The following VWA3B variants were observed in gnomAD, a reference collection of about 807,000 sequenced individuals.
VWA3B encodes the protein von Willebrand factor A domain-containing protein 3B.
VWA3B carries 138 observed loss-of-function variants against 158.3 expected under a neutral mutation model. The observed-to-expected ratio is 0.87, with a 90% confidence interval of 0.76 to 1.00. VWA3B has a LOEUF of 1.00. VWA3B is among the 50% of genes least tolerant of loss of function. VWA3B has a pLI of 0.00. For synonymous variants in VWA3B, 596 were observed against 587.3 expected (o/e 1.01, Z -0.21); for missense variants, 1,555 against 1,565.1 (o/e 0.99, Z 0.11).
chr2:98,111,269 T>C (rs1168372740), intron 2 of VWA3B, among the ~76,000 whole-genome samples: 1 of 152,218 alleles, frequency 6.6e-6, no homozygotes, highest in African/African-American at 2.4e-5. Context: ...GTAAAAGACA[T>C]GATTTCATCT....
At chr2:98,301,718 G>T (rs1262633492) in intron 25 of VWA3B, among the ~76,000 whole-genome samples, 1 of 152,144 alleles carries the variant, frequency 6.6e-6, no homozygotes, top group Non-Finnish European at 1.5e-5. Context: ...TGGATCGTTT[G>T]TCTTTTTTAT....
At chr2:98,124,236 G>A (rs562081423) in intron 5 of VWA3B, among the ~76,000 whole-genome samples, 291 of 152,338 alleles carry the variant, frequency 1.9e-3, no homozygotes, top group Non-Finnish European at 3.2e-3. Context: ...ACAGTGAAAG[G>A]TTGGAAAGGA....
At chr2:98,091,975 T>C in intron 1 of VWA3B, among the ~76,000 whole-genome samples, 1 of 152,350 alleles carries the variant, frequency 6.6e-6, no homozygotes, top group Middle Eastern at 3.4e-3. Context: ...ACTAGCTATA[T>C]TTAGGCAGGT....
intron 7 of VWA3B, among the ~76,000 whole-genome samples, chr2:98,148,678 T>G (rs984847135): frequency 6.6e-6 from 1 of 152,224 alleles, no homozygotes; most frequent in African/African-American, 2.4e-5. Context: ...TGTGGGAATA[T>G]AAATGGATTT....
chr2:98,280,197 G>T (rs1688789227), intron 22 of VWA3B, among the ~76,000 whole-genome samples: 1 of 152,134 alleles, frequency 6.6e-6, no homozygotes. Flanking sequence ...GTTTGTTTGT[G>T]TGTTTTTTCC....
At chr2:98,135,496 C>T (rs6725596) in intron 7 of VWA3B, among the ~76,000 whole-genome samples, 2,575 of 150,344 alleles carry the variant, frequency 0.017, 72 homozygotes, top group African/African-American at 0.061. Flanking sequence ...CCACTACGCC[C>T]GGCTAATTTT....
At chr2:98,316,438 T>C (rs1691087883), downstream of VWA3B, among the ~76,000 whole-genome samples, 1 of 151,992 alleles carries the variant, frequency 6.6e-6, no homozygotes, top group South Asian at 2.1e-4. Context: ...AGCTCAGAAG[T>C]TCAAGACCAG....
chr2:98,329,868 A>C, the VWA3B span, among the ~76,000 whole-genome samples: 1 of 152,180 alleles, frequency 6.6e-6, no homozygotes, highest in Non-Finnish European at 1.5e-5. Context: ...CCCGTGCCCA[A>C]GAGTCTCAGC....
At chr2:98,294,665 G>A (rs943171912) in intron 23 of VWA3B, among the ~76,000 whole-genome samples, 1 of 152,256 alleles carries the variant, frequency 6.6e-6, no homozygotes, top group African/African-American at 2.4e-5. Flanking sequence ...GTGAGAAGCA[G>A]CATTTTACTT....
In VWA3B at chr2:98,107,145, TA is replaced by T. The variant is rs1298741977; in HGVS notation, c.197-8506del. Among the ~76,000 whole-genome samples the T allele has an allele frequency of 5.9e-5, 9 of 152,306 alleles. 1 individual carries two copies. The South Asian group carries it at 6.2e-4, about 11-fold the overall frequency. ...AGCCTGTTACTTTAATGGATTATAT[TA>T]TTTTTTTTAATCCAGCCTTGCATCC... On this transcript the variant is annotated intron_variant, in intron 2 of 27. Transcript: ENST00000477737.
At chr2:98,224,357 A>G (rs1364678393) in intron 14 of VWA3B, among the ~76,000 whole-genome samples, 1 of 152,218 alleles carries the variant, frequency 6.6e-6, no homozygotes, top group African/African-American at 2.4e-5. Flanking sequence ...AATGATTGAA[A>G]CAAAAGTTGT....
Position 98,256,183 on chromosome 2 carries a change from T to C in VWA3B, c.2843+9T>C. The C allele has an allele frequency of 6.3e-7, 1 of 1,585,858 alleles. No individual in the cohort carries two copies. The highest frequency in any genetic ancestry group is 1.5e-5 in the African/African-American group (1 of 65,154). On this transcript the variant is annotated intron_variant, in intron 21 of 27. Transcript: ENST00000477737. Reference sequence around the variant, plus strand: ...CAAGAGGAAAAAGAAAAGTAAGCCATTCCATTCCCTCCTCACTTTTTTTTT... The same window carrying C: ...CAAGAGGAAAAAGAAAAGTAAGCCACTCCATTCCCTCCTCACTTTTTTTTT...
chr2:98,210,777 T>C (rs72948966), intron 12 of VWA3B, among the ~76,000 whole-genome samples: 5 of 152,284 alleles, frequency 3.3e-5, no homozygotes, highest in African/African-American at 9.6e-5. Flanking sequence ...TCTGTTCACC[T>C]GTGGAAGTTG....
intron 19 of VWA3B, among the ~76,000 whole-genome samples, chr2:98,242,551 G>A (rs909873201): frequency 7.9e-5 from 12 of 151,616 alleles, no homozygotes; most frequent in Admixed American, 6.6e-4. Context: ...CATCATTGTC[G>A]TTATCATAAT....
At chr2:98,213,676 C>A (rs771607365) in intron 13 of VWA3B, among the ~76,000 whole-genome samples, 43 of 152,038 alleles carry the variant, frequency 2.8e-4, no homozygotes, top group Non-Finnish European at 5.7e-4. Flanking sequence ...TTGGGGGTGG[C>A]TGGTGGAGGA....
At chr2:98,267,575 CAA>C (rs1201947794) in intron 21 of VWA3B, among the ~76,000 whole-genome samples, 25 of 152,060 alleles carry the variant, frequency 1.6e-4, no homozygotes, top group Non-Finnish European at 2.9e-4. Context: ...TAAATGCCCA[CAA>C]GAGAGAGCAG....
chr2:98,104,420 C>T (rs931155046), intron 2 of VWA3B, among the ~76,000 whole-genome samples: 9 of 152,216 alleles, frequency 5.9e-5, no homozygotes, highest in African/African-American at 1.4e-4. Context: ...AAAGACAGAG[C>T]GGAAGAGGGA....
intron 7 of VWA3B, among the ~76,000 whole-genome samples, chr2:98,157,073 A>AG (rs1236475231): frequency 1.2e-4 from 19 of 152,302 alleles, no homozygotes; most frequent in Admixed American, 1.2e-3. Context: ...TTGGACAATT[A>AG]GACTGCATTA....
intron 2 of VWA3B, among the ~76,000 whole-genome samples, chr2:98,101,794 G>A (rs1252804018): frequency 6.6e-6 from 1 of 150,876 alleles, no homozygotes; most frequent in Non-Finnish European, 1.5e-5. Flanking sequence ...CCCATATAAG[G>A]AAAAATACTA....
Sources: gnomAD v4.1 joint callset for allele counts (sites outside exome capture counted in the v4.1 genomes callset) on GRCh38, gnomAD v4.1.1 for gene constraint, MANE v1.5 for transcripts, NCBI Gene and HGNC (gene_info 2026-07-23, HGNC 2026-07-21) for gene names.